Variants in GPR39 observed in about 807,000 individuals in gnomAD.
GPR39 encodes the protein G protein-coupled receptor 39.
A neutral mutation model predicts 18.4 loss-of-function variants in GPR39; 23 were observed. The observed-to-expected ratio is 1.25, with a 90% CI of 0.90 to 1.77. The LOEUF (loss-of-function observed/expected upper bound fraction) is 1.77, where lower values mean the gene tolerates loss of function less well. GPR39 is among the 40% of genes most tolerant of loss of function. The pLI, the probability that GPR39 is intolerant of heterozygous loss-of-function variation, is 0.00. For missense variants in GPR39, 647 were observed against 602.4 expected (o/e 1.07, Z -0.78); for synonymous variants, 280 against 257.9 (o/e 1.09, Z -0.82).
At chr2:132,519,031 G>T (rs944975226) in intron 1 of GPR39, among the ~76,000 whole-genome samples, 2 of 152,206 alleles carry the variant, frequency 1.3e-5, no homozygotes, top group Admixed American at 6.5e-5. Context: ...TTGAGGCAAG[G>T]TGAGCACAGG....
At chr2:132,450,344 T>C (rs2104770375) in intron 1 of GPR39, among the ~76,000 whole-genome samples, 1 of 152,256 alleles carries the variant, frequency 6.6e-6, no homozygotes, top group East Asian at 1.9e-4. Context: ...CTGGCTGTGC[T>C]TCATAGAATG....
At chr2:132,624,931 T>C (rs1418347825) in intron 1 of GPR39, among the ~76,000 whole-genome samples, 1 of 152,188 alleles carries the variant, frequency 6.6e-6, no homozygotes, top group Non-Finnish European at 1.5e-5. Context: ...CCTTTTCTCT[T>C]TGCATATACT....
At chr2:132,444,938 C>T (rs1460185222) in intron 1 of GPR39, among the ~76,000 whole-genome samples, 3 of 152,036 alleles carry the variant, frequency 2.0e-5, no homozygotes, top group African/African-American at 7.2e-5. Context: ...CCAAAAGGTA[C>T]CAGTTTCCTA....
intron 1 of GPR39, among the ~76,000 whole-genome samples, chr2:132,643,730 G>C (rs1052925695): frequency 6.6e-6 from 1 of 152,136 alleles, no homozygotes; most frequent in African/African-American, 2.4e-5. Context: ...ATGTTGCCTA[G>C]GTGGGTCTCA....
At chr2:132,626,957 A>C (rs1437125961) in intron 1 of GPR39, among the ~76,000 whole-genome samples, 1 of 152,220 alleles carries the variant, frequency 6.6e-6, no homozygotes, top group African/African-American at 2.4e-5. Context: ...TCTCCTTCTC[A>C]CAATGTTATG....
In GPR39 at chr2:132,646,568, T is replaced by TTAAG. The variant is rs767815907; in HGVS notation, c.*964_*967dup. On this transcript the variant is annotated 3_prime_UTR_variant, in exon 2 of 2. Coordinates refer to ENST00000329321, the MANE Select transcript of GPR39 (RefSeq NM_001508.3). ...GCTGTTAAATAGACTTATTTACATT[T>TTAAG]TAAGTCAGAGTTCACACTGTGTACA... is the stretch of plus-strand genomic sequence containing the variant. The TTAAG allele has an allele frequency of 1.9e-5, 6 of 307,872 alleles. No individual in the cohort carries two copies. The highest frequency in any genetic ancestry group is 1.0e-4 in the East Asian group (2 of 19,218). The allele number at this position is 307,872 out of a possible 1,614,324, so 19.1% of individuals were successfully genotyped here. A position where few individuals can be genotyped will look rare whatever the true frequency, so the allele number is the denominator to read the frequency against.
At chr2:132,448,931 A>T (rs1307893673) in intron 1 of GPR39, among the ~76,000 whole-genome samples, 1 of 152,176 alleles carries the variant, frequency 6.6e-6, no homozygotes, top group African/African-American at 2.4e-5. Flanking sequence ...ATGGGAGGAC[A>T]ATGGTGTGAT....
intron 1 of GPR39, among the ~76,000 whole-genome samples, chr2:132,511,868 A>G (rs1032934695): frequency 8.6e-6 from 1 of 116,736 alleles, no homozygotes. Context: ...AAGCAAAGTG[A>G]TGACTCAAGT....
chr2:132,522,503 T>A (rs1393255629), intron 1 of GPR39, among the ~76,000 whole-genome samples: 1 of 152,244 alleles, frequency 6.6e-6, no homozygotes, highest in African/African-American at 2.4e-5. Flanking sequence ...TTAAAGACGT[T>A]AACACATTTA....
chr2:132,492,440 T>C (rs371964445), intron 1 of GPR39, among the ~76,000 whole-genome samples: 10 of 141,076 alleles, frequency 7.1e-5, no homozygotes, highest in South Asian at 7.0e-4. Context: ...ACCATATATA[T>C]ACACCATATA....
chr2:132,432,525 A>G (rs1330463584), intron 1 of GPR39, among the ~76,000 whole-genome samples: 2 of 152,130 alleles, frequency 1.3e-5, no homozygotes, highest in African/African-American at 2.4e-5. Flanking sequence ...TCTAGGGCCT[A>G]CTCTGATAAT....
At chr2:132,487,162 T>C (rs1179335812) in intron 1 of GPR39, among the ~76,000 whole-genome samples, 1 of 152,214 alleles carries the variant, frequency 6.6e-6, no homozygotes, top group Non-Finnish European at 1.5e-5. Context: ...CACCATCTTA[T>C]ATGGGTATGG....
At chr2:132,514,120 TAAAG>T (rs1451522097) in intron 1 of GPR39, among the ~76,000 whole-genome samples, 1 of 152,062 alleles carries the variant, frequency 6.6e-6, no homozygotes, top group Admixed American at 6.5e-5. Flanking sequence ...ACTTTTCCAG[TAAAG>T]AAAGGCTGGG....
At chr2:132,573,593 C>T (rs1339085072) in intron 1 of GPR39, among the ~76,000 whole-genome samples, 1 of 152,114 alleles carries the variant, frequency 6.6e-6, no homozygotes, top group Admixed American at 6.6e-5. Flanking sequence ...GGAACAATTC[C>T]TGGATGATAA....
intron 1 of GPR39, among the ~76,000 whole-genome samples, chr2:132,592,923 C>T (rs1445439271): frequency 6.6e-6 from 1 of 152,164 alleles, no homozygotes; most frequent in Non-Finnish European, 1.5e-5. Context: ...TCAAGAGTCC[C>T]AGGGCCACCT....
At chr2:132,553,310 T>C (rs971649379) in intron 1 of GPR39, among the ~76,000 whole-genome samples, 2 of 131,928 alleles carry the variant, frequency 1.5e-5, no homozygotes, top group Non-Finnish European at 3.2e-5. Flanking sequence ...CACATATGTA[T>C]ATATGTGTGT....
intron 1 of GPR39, among the ~76,000 whole-genome samples, chr2:132,586,111 A>T (rs568266026): frequency 6.6e-6 from 1 of 151,978 alleles, no homozygotes; most frequent in Non-Finnish European, 1.5e-5. Flanking sequence ...GGGCTAATGC[A>T]TATGTTAATA....
At chr2:132,423,019 G>A (rs1444979969) in intron 1 of GPR39, among the ~76,000 whole-genome samples, 2 of 151,956 alleles carry the variant, frequency 1.3e-5, no homozygotes, top group Non-Finnish European at 2.9e-5. Flanking sequence ...CAGCGCCGTG[G>A]AAGAATATTG....
intron 1 of GPR39, chr2:132,418,402 GAC>G (rs1419602451): frequency 6.4e-6 from 1 of 155,136 alleles, no homozygotes; most frequent in Non-Finnish European, 1.4e-5. Context: ...GGCTGTGAGC[GAC>G]ACACACTCTC....
Sources: gnomAD v4.1 joint callset for allele counts (sites outside exome capture counted in the v4.1 genomes callset) on GRCh38, gnomAD v4.1.1 for gene constraint, MANE v1.5 for transcripts, NCBI Gene and HGNC (gene_info 2026-07-23, HGNC 2026-07-21) for gene names.